THOP1: variants seen among roughly 807,000 people sequenced by gnomAD.
THOP1 encodes thimet oligopeptidase.
THOP1 carries 49 observed loss-of-function variants against 71.8 expected under a neutral mutation model. The observed-to-expected ratio is 0.68, with a 90% CI of 0.54 to 0.87. THOP1 has a LOEUF of 0.87. Ranked by LOEUF, THOP1 falls within the 40% of genes least tolerant of loss-of-function variation. The pLI is 0.00. For missense variants in THOP1, 843 were observed against 975.6 expected, an observed-to-expected ratio of 0.86 and a Z score of 1.81; for synonymous variants, 426 against 421.5, an observed-to-expected ratio of 1.01 and a Z score of -0.13.
chr19:2,792,757 G>A (rs374455391), intron 2 of THOP1, among the ~76,000 whole-genome samples: 2 of 151,618 alleles, frequency 1.3e-5, no homozygotes, highest in Non-Finnish European at 1.5e-5. Context: ...AGGCTCAAGC[G>A]ATCCTCCTGC....
At position 2,813,575 on chromosome 19, in the gene THOP1, G is replaced by A. The variant is rs539807471; in HGVS notation, c.*299G>A. 4 of 376,170 alleles carry A rather than the reference G, an allele frequency of 1.1e-5. No individual in the cohort carries two copies. The highest frequency in any genetic ancestry group is 6.1e-5 in the African/African-American group (3 of 49,158). 23.3% of individuals were successfully genotyped at this position (376,170 alleles called of 1,614,324 possible). On this transcript the variant is annotated 3_prime_UTR_variant, in exon 13 of 13. Transcript: ENST00000307741. ...GGAGACGGCTCTTCTTTGAAATGAG[G>A]TCATTAAAAGGAAACAGAAAAAGAG...
intron 7 of THOP1, 43 bp downstream of exon 7, chr19:2,807,095 G>A (rs1349523035): frequency 6.3e-7 from 1 of 1,575,134 alleles, no homozygotes; most frequent in African/African-American, 1.4e-5. Context: ...TGTGGGGAAG[G>A]TTCTCAGGGT....
At chr19:2,808,144 C>T (rs975139004) in intron 8 of THOP1, 99 bp from the exon 9 acceptor site, 53 of 1,337,400 alleles carry the variant, frequency 4.0e-5, no homozygotes, top group Admixed American at 2.8e-4. Flanking sequence ...AGGTGCCCGG[C>T]GGTCTGGGTT....
In THOP1 at chr19:2,801,719, T is replaced by G. The variant is rs1017335951; in HGVS notation, c.589+1928T>G. 6.6e-6 allele frequency among the ~76,000 whole-genome samples: 1 copy of G among 152,136 alleles called. No homozygotes were observed. Among genetic ancestry groups the G allele is most frequent in the African/African-American group, 2.4e-5 (1 of 41,418 alleles). On this transcript the variant is annotated intron_variant, in intron 5 of 12. Transcript: ENST00000307741. This position sits in a 1 kb window ranked among gnomAD's most constrained non-coding sequence, Gnocchi z 5.1. ...CGAGGGGCCATATCTGGCCAGGGCC[T>G]TCTTCCTGGTGGGGACTCTGGAGCC...
Position 2,807,449 on chromosome 19 carries a change from G to T in THOP1, c.894G>T (p.Leu298=). 2 of 1,589,992 alleles carry T rather than the reference G, an allele frequency of 1.3e-6. No individual in the cohort carries two copies. Among genetic ancestry groups the T allele is most frequent in the South Asian group, 2.2e-5 (2 of 89,792 alleles). Residue 298 remains leucine (L), a synonymous_variant, in exon 8 of 13, where the codon CTG becomes CTT. Transcript: ENST00000307741. ...SQTVATFLDE[L]AQKLKPLGEQ... is the part of the protein sequence containing the mutation. ...TTTCTGCCCTCCCCGCAGATGAGCTGGCGCAGAAGCTGAAGCCCCTGGGGG... is the reference window on the plus strand; with the variant it reads ...TTTCTGCCCTCCCCGCAGATGAGCTTGCGCAGAAGCTGAAGCCCCTGGGGG...
intron 5 of THOP1, among the ~76,000 whole-genome samples, chr19:2,802,611 C>T (rs920670558): frequency 5.9e-5 from 9 of 152,216 alleles, no homozygotes; most frequent in African/African-American, 1.4e-4. Flanking sequence ...CCGCATCTCC[C>T]GACACCACCA....
chr19:2,808,587 G>T (rs1916375996), intron 9 of THOP1, 143 bp downstream of exon 9: 1 of 964,300 alleles, frequency 1.0e-6, no homozygotes, highest in African/African-American at 1.7e-5. Context: ...ACCCAAAGAT[G>T]GTGACTCCCT....
At chr19:2,803,253 G>A (rs1029673855) in intron 5 of THOP1, among the ~76,000 whole-genome samples, 2 of 152,164 alleles carry the variant, frequency 1.3e-5, no homozygotes, top group African/African-American at 2.4e-5. Flanking sequence ...AAGCAGACAC[G>A]CATCTCTGCA....
rs528227914 is a variant in THOP1 at position 2,801,740 on chromosome 19, G to C, written c.589+1949G>C. On this transcript the variant is annotated intron_variant, in intron 5 of 12. Coordinates refer to ENST00000307741, the MANE Select transcript of THOP1 (RefSeq NM_003249.5). The surrounding 1 kb of genome is among the most constrained non-coding windows in gnomAD (Gnocchi z 5.1). ...GGCCTTCTTCCTGGTGGGGACTCTG[G>C]AGCCCTGAGGCGGCCAGGGTGTCAC... Among the ~76,000 whole-genome samples the C allele has an allele frequency of 2.0e-5, 3 of 152,206 alleles. No homozygotes were observed. The Middle Eastern group carries it at 0.01, about 518-fold the overall frequency.
At chr19:2,788,496 G>C (rs1251523285) in intron 1 of THOP1, among the ~76,000 whole-genome samples, 1 of 151,804 alleles carries the variant, frequency 6.6e-6, no homozygotes, top group Non-Finnish European at 1.5e-5. Flanking sequence ...TATTTTTTTT[G>C]AGACGGAGTT....
rs542972828 is a variant in THOP1, at chr19:2,803,859, C to T, written c.590-1157C>T. ...CCCCATCTGCCTCTGGCCCCCCAAC[C>T]GGATCATTCTTTCCACCCTTGCCTC... On this transcript the variant is annotated intron_variant, in intron 5 of 12. Coordinates refer to ENST00000307741, the MANE Select transcript of THOP1 (RefSeq NM_003249.5). Among the ~76,000 whole-genome samples, 15 of 152,330 alleles carry T rather than the reference C, an allele frequency of 9.8e-5. No homozygotes were observed. In the South Asian group the frequency reaches 2.5e-3, roughly 25 times the overall value.
chr19:2,813,033 G>A, intron 12 of THOP1, 82 bp from the exon 13 acceptor site: 1 of 1,465,672 alleles, frequency 6.8e-7, no homozygotes, highest in Non-Finnish European at 9.1e-7. Flanking sequence ...GGCCCCCCTG[G>A]GCGAGGGTGT....
At chr19:2,812,662 C>T (rs572332690) in intron 12 of THOP1, among the ~76,000 whole-genome samples, 33 of 152,316 alleles carry the variant, frequency 2.2e-4, no homozygotes, top group Non-Finnish European at 4.0e-4. Flanking sequence ...GGCTCTGGGG[C>T]GTCGGGGTCT....
Position 2,811,584 on chromosome 19 carries a change from T to C in THOP1, c.1772-14T>C. The C allele has an allele frequency of 3.1e-6, 5 of 1,610,562 alleles. No individual in the cohort carries two copies. Among genetic ancestry groups the C allele is most frequent in the Non-Finnish European group, 4.2e-6 (5 of 1,178,314 alleles). On this transcript the variant is annotated splice_polypyrimidine_tract_variant and intron_variant, in intron 11 of 12. Coordinates refer to ENST00000307741, the MANE Select transcript of THOP1 (RefSeq NM_003249.5). The stretch of plus-strand genomic sequence containing the variant: ...GGGGGCTACAGCGTGAACCCTGCCA[T>C]GTGTCCGCCCCAGGAACCAACATGC...
At chr19:2,808,199 G>T in intron 8 of THOP1, 44 bp from the exon 9 acceptor site, 4 of 1,529,722 alleles carry the variant, frequency 2.6e-6, no homozygotes, top group Non-Finnish European at 3.5e-6. Flanking sequence ...GACTCTTGCG[G>T]TGTCTCTAGT....
chr19:2,808,535 G>C, intron 9 of THOP1, 91 bp downstream of exon 9: 1 of 1,377,224 alleles, frequency 7.3e-7, no homozygotes, highest in South Asian at 1.5e-5. Flanking sequence ...TTCGGCTTCC[G>C]GCTCTCTCTG....
At chr19:2,808,554 C>A in intron 9 of THOP1, 110 bp downstream of exon 9, 2 of 1,247,708 alleles carry the variant, frequency 1.6e-6, no homozygotes, top group South Asian at 3.1e-5. Flanking sequence ...TGCACCCGTC[C>A]GGTGGCTCCT....
chr19:2,787,940 T>C (rs1240143225), intron 1 of THOP1, among the ~76,000 whole-genome samples: 2 of 152,192 alleles, frequency 1.3e-5, no homozygotes, highest in African/African-American at 4.8e-5. Context: ...GAAAGAGTAA[T>C]TTGATTTCGG....
intron 11 of THOP1, among the ~76,000 whole-genome samples, chr19:2,811,300 G>A (rs1916454738): frequency 6.6e-6 from 1 of 152,234 alleles, no homozygotes; most frequent in Non-Finnish European, 1.5e-5. Context: ...CTGTGATGTT[G>A]CGTGGGCGTG....
Sources: gnomAD v4.1 joint callset for allele counts (sites outside exome capture counted in the v4.1 genomes callset) on GRCh38, gnomAD v4.1.1 for gene constraint, Gnocchi (gnomAD v3.1) non-coding constraint, MANE v1.5 for transcripts, NCBI Gene and HGNC (gene_info 2026-07-23, HGNC 2026-07-21) for gene names.